SNX29: variants seen among roughly 807,000 people sequenced by gnomAD.
SNX29 encodes the protein sorting nexin-29.
Under a neutral mutation model 102.1 loss-of-function variants are expected in SNX29, and 78 were observed. The observed-to-expected ratio is 0.76, with a 90% CI of 0.64 to 0.92. The LOEUF is 0.92. SNX29 is among the 40% of genes least tolerant of loss of function. The pLI is 0.00. For synonymous variants in SNX29, 580 were observed against 414.5 expected (o/e 1.40, Z -4.85); for missense variants, 1,280 against 1,061.7 (o/e 1.21, Z -2.86).
At chr16:12,538,432 G>A (rs2077175764) in intron 20 of SNX29, among the ~76,000 whole-genome samples, 1 of 152,180 alleles carries the variant, frequency 6.6e-6, no homozygotes, top group Non-Finnish European at 1.5e-5. Context: ...TAATAACTGA[G>A]AATGGTTACT....
chr16:12,536,191 A>G (rs1555568904), intron 20 of SNX29, among the ~76,000 whole-genome samples: 5 of 152,094 alleles, frequency 3.3e-5, no homozygotes, highest in Non-Finnish European at 2.9e-5. Context: ...TCAGAAGATA[A>G]AGGAGGTTAC....
intron 18 of SNX29, among the ~76,000 whole-genome samples, chr16:12,459,783 C>T (rs2086699950): frequency 1.3e-5 from 2 of 152,158 alleles, no homozygotes; most frequent in South Asian, 2.1e-4. Context: ...TCAGGAGGCC[C>T]AGCAGTCTTT....
chr16:12,013,518 T>TATATATATATATATATAC (rs2056743863), intron 3 of SNX29, among the ~76,000 whole-genome samples: 1 of 93,958 alleles, frequency 1.1e-5, no homozygotes, highest in East Asian at 3.5e-4. Flanking sequence ...TATATATATA[T>TATATATATATATATATAC]ATATATATAT....
At chr16:12,183,836 C>T (rs766362312) in intron 13 of SNX29, among the ~76,000 whole-genome samples, 6 of 152,202 alleles carry the variant, frequency 3.9e-5, no homozygotes, top group Non-Finnish European at 5.9e-5. Context: ...ACCAAAACCA[C>T]GATGACGATG....
intron 1 of SNX29, among the ~76,000 whole-genome samples, chr16:11,988,924 A>C (rs550487012): frequency 2.0e-5 from 3 of 152,196 alleles, no homozygotes; most frequent in African/African-American, 7.2e-5. Flanking sequence ...AAAGCCTAAA[A>C]TATTTACTGT....
At chr16:12,322,017 A>G (rs907594253) in intron 15 of SNX29, among the ~76,000 whole-genome samples, 1 of 152,144 alleles carries the variant, frequency 6.6e-6, no homozygotes, top group African/African-American at 2.4e-5. Flanking sequence ...GGGATTCCAG[A>G]GGAGGTTCAG....
rs1010330052 is a variant in SNX29, at chr16:12,524,087, G to C, written c.2179-615G>C. 2.6e-5 allele frequency among the ~76,000 whole-genome samples: 4 copies of C among 152,264 alleles called. No individual in the cohort carries two copies. The East Asian group carries it at 7.7e-4, about 29-fold the overall frequency. On this transcript the variant is annotated intron_variant, in intron 19 of 20. Coordinates refer to ENST00000566228, the MANE Select transcript of SNX29 (RefSeq NM_032167.5). ...AGTAGAGAAACGTGGGGTTTCTCCAGGTTGGTTAGGCTGGTCTCAAACTCC... is the reference window on the plus strand; with the variant it reads ...AGTAGAGAAACGTGGGGTTTCTCCACGTTGGTTAGGCTGGTCTCAAACTCC...
intron 18 of SNX29, among the ~76,000 whole-genome samples, chr16:12,448,829 G>T (rs1296610987): frequency 6.6e-6 from 1 of 152,158 alleles, no homozygotes; most frequent in Admixed American, 6.5e-5. Context: ...CTTGCATCCA[G>T]CTCTACCCAT....
At chr16:12,440,346 C>G (rs758520247) in intron 18 of SNX29, among the ~76,000 whole-genome samples, 7 of 152,200 alleles carry the variant, frequency 4.6e-5, no homozygotes, top group Non-Finnish European at 1.0e-4. Flanking sequence ...TTTCATCACC[C>G]TGGAGAAACT....
chr16:12,505,809 G>A (rs145475618), intron 19 of SNX29, among the ~76,000 whole-genome samples: 1 of 145,834 alleles, frequency 6.9e-6, no homozygotes, highest in East Asian at 2.1e-4. Context: ...GAGAAGGAAT[G>A]ACGTTGAATC....
intron 20 of SNX29, among the ~76,000 whole-genome samples, chr16:12,534,299 C>T (rs1208081608): frequency 1.3e-5 from 2 of 152,230 alleles, no homozygotes; most frequent in Admixed American, 1.3e-4. Context: ...GTGTGGGAGA[C>T]GTGCTCCTAA....
At chr16:11,976,896 C>G in intron 1 of SNX29, 83 bp downstream of exon 1, 1 of 1,285,884 alleles carries the variant, frequency 7.8e-7, no homozygotes, top group Non-Finnish European at 9.8e-7. Context: ...CCCCTGCGTC[C>G]TCGCGCCCCG....
intron 18 of SNX29, 91 bp from the exon 19 acceptor site, chr16:12,477,628 G>C: frequency 1.4e-6 from 2 of 1,461,066 alleles, no homozygotes; most frequent in Non-Finnish European, 1.9e-6. Flanking sequence ...GACTCTTGCT[G>C]CAGTTGGTTT....
chr16:12,572,031 C>T lies in SNX29; in HGVS notation c.*3402C>T, dbSNP rs950168865. On this transcript the variant is annotated 3_prime_UTR_variant, in exon 21 of 21. Coordinates refer to ENST00000566228, the MANE Select transcript of SNX29 (RefSeq NM_032167.5). The stretch of plus-strand genomic sequence containing the variant: ...GGGAGCTGCTGGCTATAAAAGGGAT[C>T]ATCCAGTGGAGTTGTAAACAAGGGA... 2 of 1,063,156 alleles carry T rather than the reference C, an allele frequency of 1.9e-6. No individual in the cohort carries two copies. The highest frequency in any genetic ancestry group is 1.6e-5 in the African/African-American group (1 of 61,046). The allele number at this position is 1,063,156 out of a possible 1,614,324, so 65.9% of individuals were successfully genotyped here. A position where few individuals can be genotyped will look rare whatever the true frequency, so the allele number is the denominator to read the frequency against.
At chr16:12,408,105 C>T (rs1409675710) in intron 18 of SNX29, among the ~76,000 whole-genome samples, 1 of 151,530 alleles carries the variant, frequency 6.6e-6, no homozygotes, top group East Asian at 1.9e-4. Flanking sequence ...TTGCACTGAG[C>T]TGTTATAATG....
rs10852351 is a variant in SNX29, at chr16:12,570,389, A to G, written c.*1760A>G. 315,870 of 372,198 alleles carry G rather than the reference A, an allele frequency of 0.85. 134,355 individuals carry two copies. The highest frequency in any genetic ancestry group is 0.92 in the African/African-American group (44,047 of 47,936). 23.1% of individuals were successfully genotyped at this position (372,198 alleles called of 1,614,324 possible). On this transcript the variant is annotated 3_prime_UTR_variant, in exon 21 of 21. Transcript: ENST00000566228. ...TACACATGGTTTATCTGAAATTCCA[A>G]GGCCAGAGTGCACATCAGCTCACAT...
intron 18 of SNX29, among the ~76,000 whole-genome samples, chr16:12,427,185 G>T (rs537050429): frequency 6.6e-6 from 1 of 152,194 alleles, no homozygotes; most frequent in South Asian, 2.1e-4. Flanking sequence ...AATGACTCAA[G>T]GTGGTTTCTT....
chr16:12,572,776 C>CA lies in SNX29; in HGVS notation c.*4148dup, dbSNP rs1491258273. 1.9e-6 allele frequency: 2 copies of CA among 1,063,724 alleles called. No homozygotes were observed. The highest frequency in any genetic ancestry group is 3.3e-5 in the African/African-American group (2 of 60,992). 65.9% of individuals were successfully genotyped at this position (1,063,724 alleles called of 1,614,324 possible). On this transcript the variant is annotated 3_prime_UTR_variant, in exon 21 of 21. Coordinates refer to ENST00000566228, the MANE Select transcript of SNX29 (RefSeq NM_032167.5). Reference sequence around the variant, plus strand: ...AGCTTCTGGGACCCGAGGAAGACCCCACCTCACTCCTCCTTCCCCAGTACA... The same window carrying CA: ...AGCTTCTGGGACCCGAGGAAGACCCCAACCTCACTCCTCCTTCCCCAGTACA...
chr16:12,383,857 G>GCCCTCCT (rs1567507836), intron 16 of SNX29, among the ~76,000 whole-genome samples: 5 of 131,980 alleles, frequency 3.8e-5, no homozygotes, highest in Admixed American at 3.5e-4. Flanking sequence ...CCCTTCCTCC[G>GCCCTCCT]CCCTCCTCCC....
Sources: allele counts gnomAD v4.1 joint callset (sites outside exome capture counted in the v4.1 genomes callset), GRCh38; gene constraint gnomAD v4.1.1; transcripts MANE v1.5; gene names NCBI Gene and HGNC (gene_info 2026-07-23, HGNC 2026-07-21).